The following ADGRG1 variants were observed in gnomAD, a reference collection of about 807,000 sequenced individuals.
ADGRG1 encodes 7-transmembrane protein with no EGF-like N-terminal domains-1.
ADGRG1 carries 53 observed loss-of-function variants against 73.5 expected under a neutral mutation model. That is an observed-to-expected ratio of 0.72 (90% confidence interval 0.58 to 0.91). The LOEUF (loss-of-function observed/expected upper bound fraction) is 0.91, where lower values mean the gene tolerates loss of function less well. ADGRG1 is among the 40% of genes least tolerant of loss of function. ADGRG1 has a pLI of 0.00. For missense variants in ADGRG1, 795 were observed against 871.8 expected (o/e 0.91, Z 1.11); for synonymous variants, 394 against 374.4 (o/e 1.05, Z -0.60).
upstream of ADGRG1, chr16:57,627,745 A>T: frequency 1.1e-6 from 1 of 935,918 alleles, no homozygotes; most frequent in Non-Finnish European, 1.3e-6. Flanking sequence ...GGAGGAGGGC[A>T]GACAGGAGCC....
chr16:57,661,251 G>T (rs1259401439), intron 12 of ADGRG1: 1 of 983,780 alleles, frequency 1.0e-6, no homozygotes, highest in Non-Finnish European at 1.2e-6. Context: ...TGGCCACACT[G>T]AGGGCTGGTG....
upstream of ADGRG1, among the ~76,000 whole-genome samples, chr16:57,625,350 C>T (rs902708171): frequency 6.6e-5 from 10 of 152,160 alleles, no homozygotes; most frequent in Non-Finnish European, 1.2e-4. Context: ...TCCGGATCTG[C>T]ACCCCATCCT....
Position 57,659,522 on chromosome 16 carries a change from G to A in ADGRG1, c.1396G>A (p.Glu466Lys), listed in dbSNP as rs1241589887. Reference sequence around the variant, plus strand: ...CGAGCCGGTGGCCCTGACAGGCTCTGAGGCTGGCTGCCGAGCCAGTGCCAT... The same window carrying A: ...CGAGCCGGTGGCCCTGACAGGCTCTAAGGCTGGCTGCCGAGCCAGTGCCAT... ...LSEPVALTGSEAGCRASAIFL... is the reference protein window; with the variant it reads ...LSEPVALTGSKAGCRASAIFL... The change falls in exon 11 of 14, where the codon GAG (glutamate) becomes AAG (lysine). Residue 466 changes from glutamate to lysine, a missense_variant. Glu to Lys is a moderately conservative substitution (Grantham distance 56). Coordinates refer to ENST00000562631, the MANE Select transcript of ADGRG1 (RefSeq NM_201525.4). The A allele has an allele frequency of 6.2e-7, 1 of 1,614,000 alleles. No homozygotes were observed.
Position 57,655,957 on chromosome 16 carries a change from C to T in ADGRG1, c.982C>T (p.Pro328Ser). Reference sequence around the variant, plus strand: ...CACCAAAGTAGCCAACCTCACGGAGCCCGTGGTGCTCACTTTCCAGCACCA... The same window carrying T: ...CACCAAAGTAGCCAACCTCACGGAGTCCGTGGTGCTCACTTTCCAGCACCA... ...QNTKVANLTE[P>S]VVLTFQHQLQ... The change falls in exon 7 of 14, where the codon CCC becomes TCC. Residue 328 changes from proline (P) to serine (S), a missense_variant. By Grantham distance (74) the Pro-to-Ser change is moderately conservative. Coordinates refer to ENST00000562631, the MANE Select transcript of ADGRG1 (RefSeq NM_201525.4). 6.2e-7 allele frequency: 1 copy of T among 1,614,076 alleles called. No individual in the cohort carries two copies. The highest frequency in any genetic ancestry group is 8.5e-7 in the Non-Finnish European group (1 of 1,179,970).
At chr16:57,623,113 G>A, upstream of ADGRG1, 1 of 975,594 alleles carries the variant, frequency 1.0e-6, no homozygotes, top group Non-Finnish European at 1.2e-6. Context: ...CTGAGTCTCA[G>A]TCTTCTCCTC....
upstream of ADGRG1, chr16:57,624,151 T>A (rs2147013946): frequency 1.0e-6 from 1 of 968,084 alleles, no homozygotes; most frequent in East Asian, 1.1e-4. Flanking sequence ...ATTTATATGG[T>A]CACTCAGCTT....
At position 57,636,866 on chromosome 16, in the gene ADGRG1, G is replaced by T. The variant is rs560635035; in HGVS notation, c.-36+8064G>T. On this transcript the variant is annotated intron_variant, in intron 1 of 13. Transcript: ENST00000562631. The stretch of plus-strand genomic sequence containing the variant: ...AAGCAAATGGCAGAGTCATGTCAAT[G>T]TTGGGTGCCAATACGGGTAATAAAT... The T allele has an allele frequency of 7.3e-5, 13 of 177,958 alleles. No homozygotes were observed. In the South Asian group the frequency reaches 2.3e-3, roughly 31 times the overall value. The allele number at this position is 177,958 out of a possible 1,614,324, so 11.0% of individuals were successfully genotyped here.
At chr16:57,654,975 C>A (rs1330222910) in intron 5 of ADGRG1, 1 of 795,150 alleles carries the variant, frequency 1.3e-6, no homozygotes, top group Non-Finnish European at 1.5e-6. Flanking sequence ...TCGCCCTGGC[C>A]TCTCAAAGTG....
chr16:57,628,477 C>G (rs2036344474), upstream of ADGRG1: 54 of 981,550 alleles, frequency 5.5e-5, no homozygotes, highest in South Asian at 2.4e-4. Flanking sequence ...CCTCAGCGCT[C>G]TCAGCCCTGC....
chr16:57,650,402 C>T (rs2043746273), intron 2 of ADGRG1, 51 bp downstream of exon 2: 1 of 1,610,620 alleles, frequency 6.2e-7, no homozygotes, highest in Non-Finnish European at 8.5e-7. Flanking sequence ...GTTAAAATGC[C>T]CCTGTGCCTA....
chr16:57,636,640 A>C (rs2039445986), intron 1 of ADGRG1: 1 of 985,054 alleles, frequency 1.0e-6, no homozygotes, highest in African/African-American at 1.8e-5. Context: ...GCTATCTAGT[A>C]TCTATCAGGA....
upstream of ADGRG1, chr16:57,623,239 G>C (rs764611948): frequency 2.0e-6 from 2 of 985,244 alleles, no homozygotes; most frequent in Non-Finnish European, 2.4e-6. Context: ...GAACCTTCCG[G>C]GGGTGGGGTG....
intron 10 of ADGRG1, among the ~76,000 whole-genome samples, chr16:57,658,510 T>C (rs2046298432): frequency 6.6e-6 from 1 of 152,228 alleles, no homozygotes; most frequent in Admixed American, 6.5e-5. Context: ...GCTGTATTTA[T>C]GCGTGTGCAC....
In ADGRG1 at chr16:57,637,403, G is replaced by A. The variant is rs554308507; in HGVS notation, c.-36+8601G>A. 12 of 985,196 alleles carry A rather than the reference G, an allele frequency of 1.2e-5. No individual in the cohort carries two copies. In the East Asian group the frequency reaches 5.7e-4, roughly 47 times the overall value. The allele number at this position is 985,196 out of a possible 1,614,324, so 61.0% of individuals were successfully genotyped here. ...GGGGAAGCTGTGCCTCTGTTTCTCC[G>A]GGTTGCTGTTGTAAGTGAGTGCCAA... On this transcript the variant is annotated intron_variant, in intron 1 of 13. Coordinates refer to ENST00000562631, the MANE Select transcript of ADGRG1 (RefSeq NM_201525.4).
chr16:57,655,238 G>A (rs1027446770), intron 5 of ADGRG1, 161 bp from the exon 6 acceptor site: 22 of 985,338 alleles, frequency 2.2e-5, no homozygotes, highest in Non-Finnish European at 1.8e-5. Context: ...AGGGAAGGGA[G>A]GGATGAGGAG....
chr16:57,636,208 A>G (rs2039332610), intron 1 of ADGRG1: 1 of 984,994 alleles, frequency 1.0e-6, no homozygotes, highest in African/African-American at 1.8e-5. Flanking sequence ...TGGGCCTTTG[A>G]GGGTCTTGGG....
At chr16:57,651,877 A>T (rs2044186994) in intron 3 of ADGRG1, 2 of 1,425,566 alleles carry the variant, frequency 1.4e-6, no homozygotes, top group African/African-American at 2.9e-5. Flanking sequence ...TGAGGATGGA[A>T]GGGCAAGGGC....
chr16:57,653,693 G>A (rs1468625657), intron 4 of ADGRG1: 1 of 838,038 alleles, frequency 1.2e-6, no homozygotes, highest in Non-Finnish European at 1.4e-6. Flanking sequence ...ATGGTGCTGA[G>A]TCCCAGGACA....
At chr16:57,622,769 C>T (rs1381415385), upstream of ADGRG1, 70 of 985,166 alleles carry the variant, frequency 7.1e-5, no homozygotes, top group Non-Finnish European at 7.7e-5. Flanking sequence ...CTTAGGAAGA[C>T]GGGGCGGCCA....
Sources: gnomAD v4.1 joint callset for allele counts (sites outside exome capture counted in the v4.1 genomes callset) on GRCh38, gnomAD v4.1.1 for gene constraint, MANE v1.5 for transcripts, NCBI Gene and HGNC (gene_info 2026-07-23, HGNC 2026-07-21) for gene names.